The following BDP1 variants were observed in gnomAD, a reference collection of about 807,000 sequenced individuals.
The protein encoded by BDP1 is transcription factor TFIIIB component B'' homolog.
In BDP1, 169 loss-of-function variants were observed where a neutral mutation model predicts 266.6. That is an observed-to-expected ratio of 0.63 (90% confidence interval 0.56 to 0.72). BDP1 has a LOEUF of 0.72. BDP1 is among the 30% of genes least tolerant of loss of function. BDP1 has a pLI of 0.00. For synonymous variants in BDP1, 1,090 were observed against 1,022.4 expected (o/e 1.07, Z -1.26); for missense variants, 3,015 against 3,053.8 (o/e 0.99, Z 0.30).
intron 28 of BDP1, among the ~76,000 whole-genome samples, chr5:71,540,747 G>C (rs1474922254): frequency 6.6e-6 from 1 of 152,106 alleles, no homozygotes. Context: ...GACCAGCCTG[G>C]GCAACATGGT....
chr5:71,510,656 G>A lies in BDP1; in HGVS notation c.3564G>A (p.Glu1188=). ...REGSSREKTR[E]VIDAAEVIET... ...GTTCCTCAAGGGAGAAGACACGAGA[G>A]GTGATTGATGCTGCTGAGGTAATAG... The change falls in exon 17 of 39, where the codon GAG becomes GAA. Residue 1188 remains glutamate, a synonymous_variant. Transcript: ENST00000358731. 1 of 1,585,778 alleles carries A rather than the reference G, an allele frequency of 6.3e-7. No individual in the cohort carries two copies. The highest frequency in any genetic ancestry group is 8.6e-7 in the Non-Finnish European group (1 of 1,162,584).
downstream of BDP1, among the ~76,000 whole-genome samples, chr5:71,571,089 G>C (rs563598087): frequency 6.6e-6 from 1 of 152,176 alleles, no homozygotes; most frequent in Non-Finnish European, 1.5e-5. Flanking sequence ...GTAACCTAGA[G>C]ATGATTTAAA....
In BDP1 at chr5:71,545,086, T is replaced by C; in HGVS notation, c.6611T>C (p.Val2204Ala). 6.2e-7 allele frequency: 1 copy of C among 1,613,710 alleles called. No homozygotes were observed. The highest frequency in any genetic ancestry group is 1.1e-5 in the South Asian group (1 of 91,042). ...TCTCAGGAGGTTCACATGTTGTCAG[T>C]TGCTCCAGTTGCTTCCTCTGAGACA... ...ESSQEVHMLS[V>A]APVASSETGP... The change falls in exon 32 of 39, where the codon GTT becomes GCT. Residue 2204 changes from valine to alanine, a missense_variant. Coordinates refer to ENST00000358731, the MANE Select transcript of BDP1 (RefSeq NM_018429.3).
At chr5:71,475,634 A>G (rs1049104577) in intron 7 of BDP1, 2 of 152,350 alleles carry the variant, frequency 1.3e-5, no homozygotes, top group African/African-American at 4.8e-5. Context: ...TTTTAAAACA[A>G]ATCTATCTCA....
intron 37 of BDP1, among the ~76,000 whole-genome samples, chr5:71,561,292 T>A (rs2112099925): frequency 6.6e-6 from 1 of 151,706 alleles, no homozygotes; most frequent in South Asian, 2.1e-4. Flanking sequence ...TCCCAGTGAC[T>A]CAGGAGGCTG....
rs1322520053 is a variant in BDP1 at position 71,566,238 on chromosome 5, C to G, written c.*1353C>G. 2 of 152,716 alleles carry G rather than the reference C, an allele frequency of 1.3e-5. No homozygotes were observed. Among genetic ancestry groups the G allele is most frequent in the Non-Finnish European group, 2.9e-5 (2 of 68,142 alleles). The allele number at this position is 152,716 out of a possible 1,614,324, so 9.5% of individuals were successfully genotyped here. A position where few individuals can be genotyped will look rare whatever the true frequency, so the allele number is the denominator to read the frequency against. On this transcript the variant is annotated 3_prime_UTR_variant, in exon 39 of 39. Coordinates refer to ENST00000358731, the MANE Select transcript of BDP1 (RefSeq NM_018429.3). ...AAGCTCAATCTCCTTTATACACCCA[C>G]AGACATAATATTAGTTTTTAAAAAG...
chr5:71,491,274 G>A (rs568724792), intron 11 of BDP1, 143 bp downstream of exon 11: 4 of 721,866 alleles, frequency 5.5e-6, no homozygotes, highest in Middle Eastern at 3.6e-4. Flanking sequence ...TTGAAGCTCT[G>A]TTGTTAGGTG....
Position 71,532,340 on chromosome 5 carries a change from A to G in BDP1, c.5805A>G (p.Gly1935=). Residue 1935 remains glycine, a synonymous_variant, in exon 26 of 39, where the codon GGA becomes GGG. Coordinates refer to ENST00000358731, the MANE Select transcript of BDP1 (RefSeq NM_018429.3). ...TAACTGTGAATGTCCCAGATGTAGG[A>G]TGCATAGCTGTTGTTGAACATGAGC... is the stretch of plus-strand genomic sequence containing the variant. The part of the protein sequence containing the change: ...LEITVNVPDV[G]CIAVVEHELP... 1 of 1,613,618 alleles carries G rather than the reference A, an allele frequency of 6.2e-7. No homozygotes were observed. Among genetic ancestry groups the G allele is most frequent in the African/African-American group, 1.3e-5 (1 of 75,048 alleles).
chr5:71,503,215 G>C (rs1163110115), intron 15 of BDP1, among the ~76,000 whole-genome samples: 3 of 152,148 alleles, frequency 2.0e-5, no homozygotes, highest in African/African-American at 7.2e-5. Context: ...TCAAACTCCT[G>C]ACCTCAGGTG....
At position 71,564,643 on chromosome 5, in the gene BDP1, G is replaced by A. The variant is rs540202870; in HGVS notation, c.7744-111G>A. The A allele has an allele frequency of 2.5e-5, 24 of 946,654 alleles. No individual in the cohort carries two copies. The East Asian group carries it at 4.2e-4, about 16-fold the overall frequency. The allele number at this position is 946,654 out of a possible 1,614,324, so 58.6% of individuals were successfully genotyped here. On this transcript the variant is annotated intron_variant, in intron 38 of 38. Transcript: ENST00000358731. ...TTTAAAGCTCAATATTTATTGCCAC[G>A]TTGCTTTTCAAACAGATCATATTGG... is the stretch of plus-strand genomic sequence containing the variant.
At chr5:71,533,354 CTG>C (rs1282655682) in intron 26 of BDP1, among the ~76,000 whole-genome samples, 3 of 152,038 alleles carry the variant, frequency 2.0e-5, no homozygotes, top group African/African-American at 7.2e-5. Flanking sequence ...AACTGCCAAA[CTG>C]TTTTCCAAAG....
At chr5:71,572,298 A>G (rs1223819535), downstream of BDP1, among the ~76,000 whole-genome samples, 3 of 150,988 alleles carry the variant, frequency 2.0e-5, no homozygotes, top group African/African-American at 7.4e-5. Context: ...TCCCGCATTC[A>G]TCCCCCTTTG....
At chr5:71,547,584 T>A (rs931220158) in intron 32 of BDP1, among the ~76,000 whole-genome samples, 1 of 152,204 alleles carries the variant, frequency 6.6e-6, no homozygotes, top group African/African-American at 2.4e-5. Context: ...TGTTACCCTG[T>A]AGTTTTAATA....
At chr5:71,501,533 A>C (rs1420205531) in intron 13 of BDP1, 29 bp from the exon 14 acceptor site, 1 of 1,259,482 alleles carries the variant, frequency 7.9e-7, no homozygotes, top group African/African-American at 1.5e-5. Flanking sequence ...TATTGTAAGT[A>C]GATAAATTGT....
chr5:71,563,576 T>C (rs1743829608), intron 38 of BDP1, among the ~76,000 whole-genome samples: 1 of 152,262 alleles, frequency 6.6e-6, no homozygotes, highest in Non-Finnish European at 1.5e-5. Flanking sequence ...TCTGTTTAAT[T>C]TGTCAATCTT....
the BDP1 span, among the ~76,000 whole-genome samples, chr5:71,577,431 A>G: frequency 6.6e-6 from 1 of 152,234 alleles, no homozygotes; most frequent in African/African-American, 2.4e-5. Context: ...ACTGAGTTAC[A>G]AACTGAAGTG....
In BDP1 at chr5:71,548,746, GTATGATAA is replaced by G; in HGVS notation, c.6808+6_6808+13del. On this transcript the variant is annotated splice_donor_variant and splice_donor_5th_base_variant and intron_variant, in intron 33 of 38. Coordinates refer to ENST00000358731, the MANE Select transcript of BDP1 (RefSeq NM_018429.3). LOFTEE classifies it high-confidence loss of function. Reference sequence around the variant, plus strand: ...ATAATCAATCCTCAAGACCTAACAGGTATGATAATATGCTTCAGTGACATGTCATAGAA... The same window carrying G: ...ATAATCAATCCTCAAGACCTAACAGGTATGCTTCAGTGACATGTCATAGAA... The G allele has an allele frequency of 6.3e-7, 1 of 1,587,158 alleles. No homozygotes were observed. The highest frequency in any genetic ancestry group is 8.6e-7 in the Non-Finnish European group (1 of 1,156,900).
rs530438890 is a variant in BDP1 at position 71,545,751 on chromosome 5, A to G, written c.6744+532A>G. Among the ~76,000 whole-genome samples, 93 of 152,250 alleles carry G rather than the reference A, an allele frequency of 6.1e-4. 1 individual carries two copies. Among genetic ancestry groups the G allele is most frequent in the Admixed American group, 4.6e-3 (70 of 15,276 alleles). On this transcript the variant is annotated intron_variant, in intron 32 of 38. Transcript: ENST00000358731. The stretch of plus-strand genomic sequence containing the variant: ...GAGAGAAGCCTTGGACTTGAAGAAC[A>G]TGTATACATTATCCAGTTAAAGGGA...
intron 8 of BDP1, among the ~76,000 whole-genome samples, chr5:71,485,283 C>G (rs2150399404): frequency 6.6e-6 from 1 of 152,142 alleles, no homozygotes; most frequent in African/African-American, 2.4e-5. Flanking sequence ...GATCCTATCT[C>G]AAAACTAGAA....
Sources: allele counts gnomAD v4.1 joint callset (sites outside exome capture counted in the v4.1 genomes callset), GRCh38; gene constraint gnomAD v4.1.1; transcripts MANE v1.5; gene names NCBI Gene and HGNC (gene_info 2026-07-23, HGNC 2026-07-21).